The following SLC12A3 variants were observed in gnomAD, a reference collection of about 807,000 sequenced individuals.
The protein encoded by SLC12A3 is Na-Cl cotransporter.
Under a neutral mutation model 121.0 loss-of-function variants are expected in SLC12A3, and 104 were observed. The ratio of observed to expected loss-of-function variants is 0.86; its 90% CI spans 0.73 to 1.01. The LOEUF is 1.01. Among genes scored for constraint, SLC12A3 ranks in the 50% least tolerant of loss-of-function variants. SLC12A3 has a pLI of 0.00. For synonymous variants in SLC12A3, 536 were observed against 533.4 expected (o/e 1.00, Z -0.07); for missense variants, 1,328 against 1,356.3 (o/e 0.98, Z 0.33).
chr16:56,890,208 G>C, intron 18 of SLC12A3, 66 bp from the exon 19 acceptor site: 1 of 1,235,620 alleles, frequency 8.1e-7, no homozygotes, highest in Non-Finnish European at 1.2e-6. Context: ...CTGGTCTCCT[G>C]GGTGCCAGGT....
intron 18 of SLC12A3, among the ~76,000 whole-genome samples, chr16:56,888,691 T>C (rs917690898): frequency 6.6e-6 from 1 of 150,536 alleles, no homozygotes; most frequent in East Asian, 2.0e-4. Context: ...CTTGAGTAGC[T>C]GGGACTACAG....
rs765881915 is a variant in SLC12A3, at chr16:56,913,325, A to T, written c.2986A>T (p.Thr996Ser). The T allele has an allele frequency of 6.2e-7, 1 of 1,613,988 alleles. No individual in the cohort carries two copies. Among genetic ancestry groups the T allele is most frequent in the Non-Finnish European group, 8.5e-7 (1 of 1,179,950 alleles). ...CTCGCTGTACATGGCCTGGCTGGAG[A>T]CCCTGTCCCAGGACCTCAGACCTCC... is the stretch of plus-strand genomic sequence containing the variant. ...PSSLYMAWLE[T>S]LSQDLRPPVI... Residue 996 changes from threonine (T) to serine (S), a missense_variant, in exon 26 of 26, where the codon ACC becomes TCC. Coordinates refer to ENST00000563236, the MANE Select transcript of SLC12A3 (RefSeq NM_001126108.2).
intron 9 of SLC12A3, 82 bp from the exon 10 acceptor site, chr16:56,878,991 C>G (rs2289119): frequency 2.7e-5 from 41 of 1,507,744 alleles, no homozygotes; most frequent in Admixed American, 5.9e-5. Flanking sequence ...TGCAGCACCT[C>G]GCCCTCTGCA....
chr16:56,908,135 T>C (rs1284980583), intron 25 of SLC12A3, among the ~76,000 whole-genome samples: 1 of 149,708 alleles, frequency 6.7e-6, no homozygotes, highest in Non-Finnish European at 1.5e-5. Flanking sequence ...AGAATGATTG[T>C]ATTCATTTCT....
chr16:56,908,296 AC>A (rs2055635889), intron 25 of SLC12A3, among the ~76,000 whole-genome samples: 1 of 148,386 alleles, frequency 6.7e-6, no homozygotes, highest in Non-Finnish European at 1.5e-5. Flanking sequence ...GAATATCACC[AC>A]CTCGCCCGGC....
chr16:56,882,498 G>GT lies in SLC12A3; in HGVS notation c.1669+2dup. On this transcript the variant is annotated splice_donor_variant, in intron 13 of 25. Transcript: ENST00000563236. LOFTEE classifies it high-confidence loss of function. ...CACGCCTCCATCACCAACTCGCCTG[G>GT]TAAGCAAACCCTTCACCCACCTCAG... The GT allele has an allele frequency of 5.6e-6, 9 of 1,611,910 alleles. No individual in the cohort carries two copies. The highest frequency in any genetic ancestry group is 7.6e-6 in the Non-Finnish European group (9 of 1,178,080).
intron 23 of SLC12A3, 85 bp from the exon 24 acceptor site, chr16:56,902,288 C>A: frequency 6.4e-7 from 1 of 1,556,084 alleles, no homozygotes. Flanking sequence ...GCTGTGGCAA[C>A]ACTGCCAGCT....
intron 22 of SLC12A3, among the ~76,000 whole-genome samples, chr16:56,897,344 C>G (rs142141516): frequency 1.2e-3 from 188 of 152,286 alleles, no homozygotes; most frequent in African/African-American, 4.3e-3. Context: ...CCTGCCCGGT[C>G]TCTAGTGCCC....
In SLC12A3 at chr16:56,894,572, A is replaced by G. The variant is rs191194366; in HGVS notation, c.2563A>G (p.Arg855Gly). 1 of 1,614,000 alleles carries G rather than the reference A, an allele frequency of 6.2e-7. No individual in the cohort carries two copies. The highest frequency in any genetic ancestry group is 2.2e-5 in the East Asian group (1 of 44,888). ...LIPYLLGRKR[R>G]WSKCKIRVFV... ...TCCCTATCTCCTTGGCCGCAAGAGGAGGTGGAGCAAATGCAAGATCCGTGT... is the reference window on the plus strand; with the variant it reads ...TCCCTATCTCCTTGGCCGCAAGAGGGGGTGGAGCAAATGCAAGATCCGTGT... The change falls in exon 22 of 26, where the codon AGG becomes GGG. Residue 855 changes from arginine (R) to glycine (G), a missense_variant. Physicochemically the swap from Arg to Gly is moderately radical, Grantham distance 125. Transcript: ENST00000563236.
chr16:56,872,356 G>A lies in SLC12A3; in HGVS notation c.858G>A (p.Gln286=), dbSNP rs1372735421. ...LAGMEWESKA[Q]VLFFLVIMVS... ...GGGTCCTTCGCCCCCTCCAGGCCCA[G>A]GTGCTGTTCTTCCTTGTCATCATGG... Residue 286 remains glutamine, a synonymous_variant, in exon 7 of 26, where the codon CAG becomes CAA. Transcript: ENST00000563236. The A allele has an allele frequency of 1.2e-6, 2 of 1,613,138 alleles. No individual in the cohort carries two copies. Among genetic ancestry groups the A allele is most frequent in the Non-Finnish European group, 1.7e-6 (2 of 1,179,404 alleles).
intron 12 of SLC12A3, among the ~76,000 whole-genome samples, chr16:56,882,172 A>T (rs2055249467): frequency 6.6e-6 from 1 of 152,202 alleles, no homozygotes. Flanking sequence ...CCACTGTCTT[A>T]AAAGCTGGGC....
At chr16:56,907,726 A>G (rs2055626341) in intron 25 of SLC12A3, among the ~76,000 whole-genome samples, 1 of 152,098 alleles carries the variant, frequency 6.6e-6, no homozygotes, top group Admixed American at 6.5e-5. Flanking sequence ...GGGCCTCTTT[A>G]TAAGAGCACT....
intron 24 of SLC12A3, 23 bp downstream of exon 24, chr16:56,902,531 G>GGGCGCC: frequency 1.4e-6 from 1 of 714,564 alleles, no homozygotes; most frequent in Non-Finnish European, 2.4e-6. Flanking sequence ...GTGGGGGTGG[G>GGGCGCC]AAACGCGACA....
intron 5 of SLC12A3, 59 bp from the exon 6 acceptor site, chr16:56,870,567 G>C (rs577343825): frequency 1.7e-6 from 2 of 1,171,046 alleles, no homozygotes; most frequent in African/African-American, 1.5e-5. Context: ...GGTGGGCAGA[G>C]TCTGGGGGAT....
chr16:56,883,926 G>C (rs1596916598), intron 13 of SLC12A3, 123 bp from the exon 14 acceptor site: 1 of 1,035,134 alleles, frequency 9.7e-7, no homozygotes, highest in East Asian at 2.5e-5. Flanking sequence ...ATGGCTGGTG[G>C]GTACAGGCTG....
At chr16:56,879,333 T>G in intron 10 of SLC12A3, 106 bp downstream of exon 10, 2 of 1,464,712 alleles carry the variant, frequency 1.4e-6, no homozygotes, top group Non-Finnish European at 1.9e-6. Context: ...TTTTGGGGGT[T>G]GAGGCCTAGG....
At position 56,869,591 on chromosome 16, in the gene SLC12A3, G is replaced by A. The variant is rs1596889897; in HGVS notation, c.506-138G>A. 1.3e-5 allele frequency: 10 copies of A among 749,212 alleles called. No individual in the cohort carries two copies. In the East Asian group the frequency reaches 2.7e-4, roughly 20 times the overall value. The allele number at this position is 749,212 out of a possible 1,614,324, so 46.4% of individuals were successfully genotyped here. ...TCTGCCCGCCTCGGCCTCCCAAAGT[G>A]ACAGAGACCCATTTTTCAGATGAGA... is the stretch of plus-strand genomic sequence containing the variant. On this transcript the variant is annotated intron_variant, in intron 3 of 25. Coordinates refer to ENST00000563236, the MANE Select transcript of SLC12A3 (RefSeq NM_001126108.2).
At chr16:56,892,237 C>G in intron 20 of SLC12A3, 104 bp downstream of exon 20, 1 of 1,028,810 alleles carries the variant, frequency 9.7e-7, no homozygotes, top group Non-Finnish European at 1.5e-6. Flanking sequence ...GGAACTTGGT[C>G]GAGGACAGGT....
Position 56,878,092 on chromosome 16 carries a change from A to G in SLC12A3, c.1111A>G (p.Ile371Val). ...CCTCCTTCAGGACCCTGCTATAGCCATCCCCAAGGGGACCCTCATGGCCAT... is the reference window on the plus strand; with the variant it reads ...CCTCCTTCAGGACCCTGCTATAGCCGTCCCCAAGGGGACCCTCATGGCCAT... ...SGDLKDPAIA[I>V]PKGTLMAIFW... is the part of the protein sequence containing the mutation. The change falls in exon 9 of 26, where the codon ATC (isoleucine) becomes GTC (valine). Residue 371 changes from isoleucine to valine, a missense_variant. Coordinates refer to ENST00000563236, the MANE Select transcript of SLC12A3 (RefSeq NM_001126108.2). 5 of 1,307,452 alleles carry G rather than the reference A, an allele frequency of 3.8e-6. No homozygotes were observed. Among genetic ancestry groups the G allele is most frequent in the Non-Finnish European group, 5.0e-6 (5 of 1,005,708 alleles). The allele number at this position is 1,307,452 out of a possible 1,614,324, so 81.0% of individuals were successfully genotyped here.
Sources: allele counts gnomAD v4.1 joint callset (sites outside exome capture counted in the v4.1 genomes callset), GRCh38; gene constraint gnomAD v4.1.1; transcripts MANE v1.5; gene names NCBI Gene and HGNC (gene_info 2026-07-23, HGNC 2026-07-21).